GRID1: variants seen among roughly 807,000 people sequenced by gnomAD.
The protein encoded by GRID1 is glutamate receptor ionotropic, delta-1.
Under a neutral mutation model 98.0 loss-of-function variants are expected in GRID1, and 28 were observed. That is an observed-to-expected ratio of 0.29 (90% CI 0.21 to 0.39). GRID1 has a LOEUF of 0.39. Ranked by LOEUF, GRID1 falls within the 10% of genes least tolerant of loss-of-function variation. The pLI, the probability that GRID1 is intolerant of heterozygous loss-of-function variation, is 1.00. For missense variants in GRID1, 1,111 were observed against 1,340.5 expected (o/e 0.83, Z 2.67); for synonymous variants, 553 against 538.5 (o/e 1.03, Z -0.37).
intron 6 of GRID1, among the ~76,000 whole-genome samples, chr10:85,862,577 G>A (rs1381243513): frequency 6.6e-6 from 1 of 152,150 alleles, no homozygotes; most frequent in African/African-American, 2.4e-5. Context: ...AATGGGAAAG[G>A]TAGGAGGCGT....
intron 2 of GRID1, among the ~76,000 whole-genome samples, chr10:86,289,970 A>G (rs1420358259): frequency 6.6e-6 from 1 of 152,202 alleles, no homozygotes; most frequent in Non-Finnish European, 1.5e-5. Flanking sequence ...CAATGAGAGA[A>G]GAAGAGAAAC....
intron 5 of GRID1, among the ~76,000 whole-genome samples, chr10:85,884,237 A>G (rs1841079965): frequency 6.6e-6 from 1 of 152,088 alleles, no homozygotes; most frequent in Non-Finnish European, 1.5e-5. Flanking sequence ...ATTCAGGCTA[A>G]TTATTCTTCC....
At chr10:85,679,597 C>A (rs1484673266) in intron 12 of GRID1, among the ~76,000 whole-genome samples, 2 of 152,030 alleles carry the variant, frequency 1.3e-5, no homozygotes, top group Non-Finnish European at 2.9e-5. Flanking sequence ...GTTTTCCAGG[C>A]AGAAGGAACA....
At chr10:86,262,589 T>C (rs1847032779) in intron 2 of GRID1, among the ~76,000 whole-genome samples, 1 of 152,168 alleles carries the variant, frequency 6.6e-6, no homozygotes, top group Admixed American at 6.5e-5. Flanking sequence ...AAGCGTTCTC[T>C]TATTACGTGC....
chr10:85,745,579 G>A (rs1353236766), intron 8 of GRID1, among the ~76,000 whole-genome samples: 1 of 121,102 alleles, frequency 8.3e-6, no homozygotes, highest in Admixed American at 8.4e-5. Context: ...TGGTGGGGTC[G>A]AAGGAGAGGG....
intron 4 of GRID1, among the ~76,000 whole-genome samples, chr10:86,070,684 C>T (rs1001524418): frequency 6.6e-6 from 1 of 152,128 alleles, no homozygotes; most frequent in Non-Finnish European, 1.5e-5. Flanking sequence ...CTTCCTGGCC[C>T]CTCATCCATC....
intron 2 of GRID1, 129 bp downstream of exon 2, chr10:86,363,812 T>C (rs1229431104): frequency 3.9e-6 from 3 of 760,964 alleles, no homozygotes; most frequent in Non-Finnish European, 6.2e-6. Flanking sequence ...CCACCGCGCA[T>C]GGCACCGCGG....
intron 8 of GRID1, among the ~76,000 whole-genome samples, chr10:85,846,168 A>G (rs1479182029): frequency 6.6e-6 from 1 of 152,220 alleles, no homozygotes; most frequent in African/African-American, 2.4e-5. Context: ...TATTCAGAAT[A>G]AAACAAGGCA....
At chr10:85,872,299 A>T (rs1031646762) in intron 5 of GRID1, among the ~76,000 whole-genome samples, 2 of 152,196 alleles carry the variant, frequency 1.3e-5, no homozygotes, top group Non-Finnish European at 2.9e-5. Context: ...ATTATGCACA[A>T]AAGAGAGAAT....
intron 8 of GRID1, among the ~76,000 whole-genome samples, chr10:85,818,256 A>G (rs1441055435): frequency 6.6e-6 from 1 of 152,234 alleles, no homozygotes; most frequent in Admixed American, 6.5e-5. Flanking sequence ...TTATTTATAC[A>G]TACATGTATG....
intron 13 of GRID1, among the ~76,000 whole-genome samples, chr10:85,641,615 C>G (rs998508456): frequency 6.6e-6 from 1 of 152,200 alleles, no homozygotes; most frequent in East Asian, 1.9e-4. Context: ...TTAGCCAAGT[C>G]ACTTAGTTTC....
At chr10:86,274,194 C>G (rs1300902115) in intron 2 of GRID1, among the ~76,000 whole-genome samples, 4 of 152,146 alleles carry the variant, frequency 2.6e-5, no homozygotes, top group South Asian at 2.1e-4. Flanking sequence ...GCTTGTTTTT[C>G]TCAGGTTTGT....
At chr10:85,987,244 G>A (rs142062910) in intron 4 of GRID1, among the ~76,000 whole-genome samples, 11 of 151,850 alleles carry the variant, frequency 7.2e-5, no homozygotes, top group Non-Finnish European at 1.3e-4. Context: ...AGGATCGACC[G>A]GCTGGTCCTC....
At chr10:85,927,775 G>C (rs1320146049) in intron 4 of GRID1, among the ~76,000 whole-genome samples, 2 of 152,218 alleles carry the variant, frequency 1.3e-5, no homozygotes, top group East Asian at 3.9e-4. Flanking sequence ...GGCATCCATG[G>C]AAGGAAGTTA....
chr10:86,299,450 A>G (rs1486699698), intron 2 of GRID1, among the ~76,000 whole-genome samples: 2 of 151,306 alleles, frequency 1.3e-5, no homozygotes, highest in East Asian at 2.0e-4. Flanking sequence ...CGTCATTTAC[A>G]TTAGGTATAT....
intron 8 of GRID1, among the ~76,000 whole-genome samples, chr10:85,769,766 T>TG (rs1475475784): frequency 6.6e-6 from 1 of 152,110 alleles, no homozygotes; most frequent in Admixed American, 6.5e-5. Flanking sequence ...GCAGTGAGGC[T>TG]GGGGGAGGGG....
chr10:86,264,458 C>T (rs937253776), intron 2 of GRID1, among the ~76,000 whole-genome samples: 2 of 152,284 alleles, frequency 1.3e-5, no homozygotes, highest in South Asian at 2.1e-4. Context: ...TGGATGTGGG[C>T]CCCCCTTGGA....
At chr10:85,663,245 A>G (rs1172137677) in intron 12 of GRID1, among the ~76,000 whole-genome samples, 1 of 152,220 alleles carries the variant, frequency 6.6e-6, no homozygotes, top group Non-Finnish European at 1.5e-5. Flanking sequence ...GCCCTACTCC[A>G]GTACCACGAG....
At chr10:86,185,903 G>C (rs1184907569) in intron 3 of GRID1, among the ~76,000 whole-genome samples, 1 of 152,130 alleles carries the variant, frequency 6.6e-6, no homozygotes, top group African/African-American at 2.4e-5. Context: ...TCACGTTTTG[G>C]TCAGTTTTAG....
Sources: allele counts gnomAD v4.1 joint callset (sites outside exome capture counted in the v4.1 genomes callset), GRCh38; gene constraint gnomAD v4.1.1; transcripts MANE v1.5; gene names NCBI Gene and HGNC (gene_info 2026-07-23, HGNC 2026-07-21).